Variants in ATP10B observed in about 807,000 individuals in gnomAD.
ATP10B encodes phospholipid-transporting ATPase VB.
Under a neutral mutation model 141.2 loss-of-function variants are expected in ATP10B, and 122 were observed. The ratio of observed to expected loss-of-function variants is 0.86; its 90% CI spans 0.75 to 1.00. The LOEUF is 1.00. Among genes scored for constraint, ATP10B ranks in the 50% least tolerant of loss-of-function variants. The probability of loss-of-function intolerance (pLI) is 0.00; values close to 1 mark genes in which losing one functional copy is unlikely to be tolerated. For missense variants in ATP10B, 1,876 were observed against 1,825.3 expected (o/e 1.03, Z -0.51); for synonymous variants, 685 against 692.0 (o/e 0.99, Z 0.16).
intron 2 of ATP10B, among the ~76,000 whole-genome samples, chr5:160,776,355 T>C (rs1770313682): frequency 6.6e-6 from 1 of 152,198 alleles, no homozygotes; most frequent in Admixed American, 6.5e-5. Flanking sequence ...ATTTATGAAA[T>C]GAGGAGAAAC....
At chr5:160,838,468 C>T (rs1775602325) in intron 1 of ATP10B, among the ~76,000 whole-genome samples, 1 of 152,118 alleles carries the variant, frequency 6.6e-6, no homozygotes, top group Non-Finnish European at 1.5e-5. Flanking sequence ...TTGAGAGCCT[C>T]AAAATACTTA....
chr5:160,670,591 T>A lies in ATP10B; in HGVS notation c.547A>T (p.Ile183Phe). The change falls in exon 7 of 26, where the codon ATT becomes TTT. Residue 183 changes from isoleucine to phenylalanine, a missense_variant. Physicochemically the swap from Ile to Phe is conservative, Grantham distance 21 (BLOSUM62 0). Coordinates refer to ENST00000327245, the MANE Select transcript of ATP10B (RefSeq NM_025153.3). ...AGGAGGAGTATGTCTGCTGGGACAATCTCATTGCATTTCATTTGGATGAAG... is the reference window on the plus strand; with the variant it reads ...AGGAGGAGTATGTCTGCTGGGACAAACTCATTGCATTTCATTTGGATGAAG... ...GDFIQMKCNE[I>F]VPADILLLFS... 6.2e-7 allele frequency: 1 copy of A among 1,613,866 alleles called. No homozygotes were observed. The highest frequency in any genetic ancestry group is 8.5e-7 in the Non-Finnish European group (1 of 1,179,856).
chr5:160,724,311 G>A (rs1259380099), intron 2 of ATP10B, among the ~76,000 whole-genome samples: 40 of 132,272 alleles, frequency 3.0e-4, no homozygotes, highest in South Asian at 7.5e-4. Context: ...AGGCTGAAAT[G>A]CAGTGATGTA....
chr5:160,816,615 C>A (rs960097038), intron 1 of ATP10B, among the ~76,000 whole-genome samples: 1 of 152,150 alleles, frequency 6.6e-6, no homozygotes, highest in Non-Finnish European at 1.5e-5. Flanking sequence ...CTATTCCAAT[C>A]AACAGAAAAA....
intron 18 of ATP10B, 132 bp from the exon 19 acceptor site, chr5:160,607,218 A>G (rs939785590): frequency 6.4e-6 from 5 of 780,752 alleles, no homozygotes; most frequent in African/African-American, 3.5e-5. Flanking sequence ...CTATTCTCCA[A>G]TTTTTATATT....
At chr5:160,636,050 C>A in intron 11 of ATP10B, 132 bp downstream of exon 11, 2 of 1,052,258 alleles carry the variant, frequency 1.9e-6, no homozygotes, top group Non-Finnish European at 2.6e-6. Context: ...CACAAGAAAG[C>A]GATGACCATC....
the ATP10B span, among the ~76,000 whole-genome samples, chr5:160,912,985 A>G: frequency 6.6e-6 from 1 of 152,262 alleles, no homozygotes; most frequent in Non-Finnish European, 1.5e-5. Context: ...CATGCTGGCC[A>G]TGACTCAATT....
chr5:160,613,386 G>A (rs1242939361), intron 17 of ATP10B, among the ~76,000 whole-genome samples: 1 of 152,202 alleles, frequency 6.6e-6, no homozygotes, highest in African/African-American at 2.4e-5. Context: ...GGAGCTTAGG[G>A]GTGCTGGACT....
the ATP10B span, among the ~76,000 whole-genome samples, chr5:160,905,029 A>T: frequency 6.6e-6 from 1 of 152,228 alleles, no homozygotes; most frequent in African/African-American, 2.4e-5. Flanking sequence ...AACAAACTGG[A>T]AGAAAGATTA....
At chr5:160,852,444 A>C (rs114434963), upstream of ATP10B, among the ~76,000 whole-genome samples, 915 of 152,258 alleles carry the variant, frequency 6.0e-3, 9 homozygotes, top group African/African-American at 0.021. Context: ...AGTGTGAGAC[A>C]ATTATAACCT....
chr5:160,662,469 C>T (rs1481010678), intron 7 of ATP10B, among the ~76,000 whole-genome samples: 1 of 152,070 alleles, frequency 6.6e-6, no homozygotes, highest in Non-Finnish European at 1.5e-5. Context: ...TGGAACAGAA[C>T]AGAGCCCTCA....
chr5:160,880,597 C>A, the ATP10B span, among the ~76,000 whole-genome samples: 1 of 152,122 alleles, frequency 6.6e-6, no homozygotes, highest in Non-Finnish European at 1.5e-5. Flanking sequence ...AGATCAACAG[C>A]ACAGAGTGGA....
intron 2 of ATP10B, among the ~76,000 whole-genome samples, chr5:160,766,947 A>G (rs1769489641): frequency 6.6e-6 from 1 of 152,010 alleles, no homozygotes; most frequent in Admixed American, 6.5e-5. Context: ...ACCTGCTCCT[A>G]CTCAGTCTTT....
intron 2 of ATP10B, among the ~76,000 whole-genome samples, chr5:160,721,381 G>C (rs530695225): frequency 1.3e-5 from 2 of 152,210 alleles, no homozygotes; most frequent in African/African-American, 4.8e-5. Context: ...GCCTCATTTA[G>C]GCCCCAGGCC....
chr5:160,880,745 CA>C, the ATP10B span, among the ~76,000 whole-genome samples: 6 of 151,452 alleles, frequency 4.0e-5, no homozygotes, highest in East Asian at 1.9e-4. Flanking sequence ...ATTCACATGC[CA>C]AAAAAAATCT....
At chr5:160,757,790 G>C (rs1768737414) in intron 2 of ATP10B, among the ~76,000 whole-genome samples, 1 of 152,144 alleles carries the variant, frequency 6.6e-6, no homozygotes, top group African/African-American at 2.4e-5. Flanking sequence ...GTCTTGTGTG[G>C]CTGCAGAACA....
At chr5:160,767,925 G>A (rs1002215410) in intron 2 of ATP10B, among the ~76,000 whole-genome samples, 2 of 152,018 alleles carry the variant, frequency 1.3e-5, no homozygotes, top group Admixed American at 6.6e-5. Flanking sequence ...TGACTCCCTT[G>A]CATTTATTGG....
rs1759747973 is a variant in ATP10B at position 160,640,389 on chromosome 5, ATG to A, written c.1000+70_1000+71del. ...ACATTTTATTAGCCCTACTTTATAA[ATG>A]AGGAAGCTGAAGAAACTTGCCCAAA... On this transcript the variant is annotated intron_variant, in intron 10 of 25. Coordinates refer to ENST00000327245, the MANE Select transcript of ATP10B (RefSeq NM_025153.3). 4.5e-6 allele frequency: 7 copies of A among 1,547,556 alleles called. No individual in the cohort carries two copies. The South Asian group carries it at 6.0e-5, about 13-fold the overall frequency.
intron 6 of ATP10B, among the ~76,000 whole-genome samples, chr5:160,674,293 G>T (rs775227066): frequency 2.0e-5 from 3 of 152,206 alleles, no homozygotes; most frequent in Non-Finnish European, 2.9e-5. Context: ...TTGTAATAAA[G>T]GACTGCACTG....
Sources: allele counts gnomAD v4.1 joint callset (sites outside exome capture counted in the v4.1 genomes callset), GRCh38; gene constraint gnomAD v4.1.1; transcripts MANE v1.5; gene names NCBI Gene and HGNC (gene_info 2026-07-23, HGNC 2026-07-21).